The following LRMDA variants were observed in gnomAD, a reference collection of about 807,000 sequenced individuals.
LRMDA encodes the protein leucine-rich melanocyte differentiation-associated protein.
A neutral mutation model predicts 29.8 loss-of-function variants in LRMDA; 18 were observed. That is an observed-to-expected ratio of 0.60 (90% confidence interval 0.42 to 0.90). The LOEUF is 0.90. Ranked by LOEUF, LRMDA falls within the 40% of genes least tolerant of loss-of-function variation. LRMDA has a pLI of 0.00. For synonymous variants in LRMDA, 125 were observed against 109.4 expected, an observed-to-expected ratio of 1.14 and a Z score of -0.89; for missense variants, 273 against 273.9, an observed-to-expected ratio of 1.00 and a Z score of 0.02.
chr10:76,189,302 AGCTAAGATTGT>A (rs1282565125), intron 5 of LRMDA, among the ~76,000 whole-genome samples: 2 of 152,132 alleles, frequency 1.3e-5, no homozygotes, highest in Non-Finnish European at 2.9e-5. Flanking sequence ...AGTTTCAGTG[AGCTAAGATTGT>A]GCGACTGCAC....
intron 5 of LRMDA, among the ~76,000 whole-genome samples, chr10:76,269,419 G>A (rs772156187): frequency 3.3e-5 from 5 of 152,278 alleles, no homozygotes; most frequent in South Asian, 2.1e-4. Flanking sequence ...GTGCCAGAAC[G>A]GAGGCTGGAC....
At chr10:75,800,254 T>C (rs966122136) in intron 2 of LRMDA, among the ~76,000 whole-genome samples, 15 of 152,190 alleles carry the variant, frequency 9.9e-5, no homozygotes, top group Admixed American at 7.2e-4. Context: ...GTCTCTGCCT[T>C]GAAGCTTACT....
At chr10:76,153,464 GT>G (rs1161704794) in intron 5 of LRMDA, among the ~76,000 whole-genome samples, 4 of 152,072 alleles carry the variant, frequency 2.6e-5, no homozygotes, top group Non-Finnish European at 5.9e-5. Context: ...ATTCATTTAG[GT>G]CTTTTATTAA....
chr10:75,966,961 C>A (rs947036054), intron 2 of LRMDA, among the ~76,000 whole-genome samples: 1 of 152,220 alleles, frequency 6.6e-6, no homozygotes, highest in Non-Finnish European at 1.5e-5. Flanking sequence ...CCATAGGAGG[C>A]AAGGCTGTTG....
chr10:76,380,454 G>A (rs1564525553), intron 6 of LRMDA, among the ~76,000 whole-genome samples: 2 of 152,004 alleles, frequency 1.3e-5, no homozygotes, highest in Non-Finnish European at 2.9e-5. Context: ...CGGATCACAA[G>A]GTCAGGAGAT....
At chr10:75,918,447 C>A (rs1014348428) in intron 2 of LRMDA, among the ~76,000 whole-genome samples, 10 of 151,812 alleles carry the variant, frequency 6.6e-5, no homozygotes, top group Admixed American at 3.3e-4. Flanking sequence ...CAGGAGCGAG[C>A]GAGAGAGAGG....
intron 2 of LRMDA, among the ~76,000 whole-genome samples, chr10:75,538,597 TTTTGTTTGTTTG>T (rs149300688): frequency 7.9e-5 from 12 of 151,244 alleles, no homozygotes; most frequent in South Asian, 2.1e-4. Context: ...CATTGAGTAG[TTTTGTTTGTTTG>T]TTTGTTTGTT....
chr10:75,787,597 C>A (rs1048186386), intron 2 of LRMDA, among the ~76,000 whole-genome samples: 1 of 152,142 alleles, frequency 6.6e-6, no homozygotes, highest in Non-Finnish European at 1.5e-5. Context: ...AGGGCCCAAC[C>A]CCTTACCCCT....
chr10:75,790,881 A>T (rs1843554055), intron 2 of LRMDA, among the ~76,000 whole-genome samples: 2 of 152,160 alleles, frequency 1.3e-5, no homozygotes, highest in Admixed American at 1.3e-4. Flanking sequence ...CTCTGTGGGG[A>T]AGGTGGCTTT....
intron 2 of LRMDA, among the ~76,000 whole-genome samples, chr10:75,495,617 G>A (rs751540596): frequency 6.6e-6 from 1 of 152,170 alleles, no homozygotes; most frequent in Non-Finnish European, 1.5e-5. Flanking sequence ...CTTGCCTGCG[G>A]GCAGCTGGGC....
intron 6 of LRMDA, among the ~76,000 whole-genome samples, chr10:76,499,866 A>AT (rs1403219768): frequency 1.4e-5 from 1 of 74,010 alleles, no homozygotes; most frequent in East Asian, 2.5e-4. Context: ...AATATATATT[A>AT]TTTTTATGTT....
At chr10:76,483,050 T>A (rs991537744) in intron 6 of LRMDA, among the ~76,000 whole-genome samples, 5 of 151,986 alleles carry the variant, frequency 3.3e-5, no homozygotes, top group Non-Finnish European at 7.4e-5. Context: ...GAAATGGATT[T>A]TCAGTCTTTG....
intron 5 of LRMDA, among the ~76,000 whole-genome samples, chr10:76,220,607 T>G (rs2132257150): frequency 6.6e-6 from 1 of 152,184 alleles, no homozygotes; most frequent in South Asian, 2.1e-4. Context: ...AATAACAGGC[T>G]CTGAAATTGT....
At chr10:76,294,890 C>T (rs1456058692) in intron 5 of LRMDA, among the ~76,000 whole-genome samples, 1 of 152,176 alleles carries the variant, frequency 6.6e-6, no homozygotes, top group African/African-American at 2.4e-5. Flanking sequence ...GGCTTTGGGT[C>T]ACATTGTCTT....
intron 2 of LRMDA, among the ~76,000 whole-genome samples, chr10:76,006,467 C>G (rs933475056): frequency 1.3e-5 from 2 of 152,184 alleles, no homozygotes; most frequent in African/African-American, 4.8e-5. Flanking sequence ...AGTAAACTAA[C>G]TATTCTGTTG....
chr10:76,263,179 T>A (rs1015230388), intron 5 of LRMDA, among the ~76,000 whole-genome samples: 2 of 152,190 alleles, frequency 1.3e-5, no homozygotes, highest in Non-Finnish European at 2.9e-5. Flanking sequence ...TTTTCATCTC[T>A]AGGGAGTTGA....
rs546882204 is a variant in LRMDA at position 75,772,981 on chromosome 10, A to G, written c.132-263027A>G. Among the ~76,000 whole-genome samples, 21 of 152,276 alleles carry G rather than the reference A, an allele frequency of 1.4e-4. No individual in the cohort carries two copies. The South Asian group carries it at 4.1e-3, about 30-fold the overall frequency. On this transcript the variant is annotated intron_variant, in intron 2 of 6. Coordinates refer to ENST00000611255, the MANE Select transcript of LRMDA (RefSeq NM_001305581.2). Reference sequence around the variant, plus strand: ...AGTGAATGGATTTGAGTAAAATTTAAGAAAAATACAAAAGAAAAAGGAAAG... The same window carrying G: ...AGTGAATGGATTTGAGTAAAATTTAGGAAAAATACAAAAGAAAAAGGAAAG...
intron 6 of LRMDA, among the ~76,000 whole-genome samples, chr10:76,391,815 A>G (rs1353743253): frequency 3.3e-5 from 5 of 152,116 alleles, no homozygotes; most frequent in Admixed American, 3.3e-4. Flanking sequence ...GCTTTTTTGC[A>G]TGAATAGGTT....
At chr10:76,521,431 G>A (rs1843120376) in intron 6 of LRMDA, among the ~76,000 whole-genome samples, 1 of 152,172 alleles carries the variant, frequency 6.6e-6, no homozygotes, top group Admixed American at 6.5e-5. Flanking sequence ...ACCGCGCCCA[G>A]CCCCATTATT....
Sources: allele counts gnomAD v4.1 joint callset (sites outside exome capture counted in the v4.1 genomes callset), GRCh38; gene constraint gnomAD v4.1.1; transcripts MANE v1.5; gene names NCBI Gene and HGNC (gene_info 2026-07-23, HGNC 2026-07-21).